Variants in LYRM4 observed in about 807,000 individuals in gnomAD.
LYRM4 encodes LYR motif containing 4, also known as LYR motif-containing protein 4.
In LYRM4, 9 loss-of-function variants were observed where a neutral mutation model predicts 11.7. That is an observed-to-expected ratio of 0.77 (90% confidence interval 0.46 to 1.34). The LOEUF (loss-of-function observed/expected upper bound fraction) is 1.34. Ranked by LOEUF, LYRM4 falls within the 40% of genes most tolerant of loss-of-function variation. The pLI, the probability that LYRM4 is intolerant of heterozygous loss-of-function variation, is 0.00. For missense variants in LYRM4, 133 were observed against 112.5 expected (o/e 1.18, Z -0.82); for synonymous variants, 42 against 40.4 (o/e 1.04, Z -0.15).
intron 1 of LYRM4, among the ~76,000 whole-genome samples, chr6:5,241,294 C>T (rs13203250): frequency 0.044 from 6,728 of 152,226 alleles, 491 homozygotes; most frequent in African/African-American, 0.15. Context: ...CTATAACATA[C>T]AGTGCGTGAC....
chr6:5,205,889 C>T (rs1561869888), intron 2 of LYRM4, among the ~76,000 whole-genome samples: 2 of 152,166 alleles, frequency 1.3e-5, no homozygotes, highest in African/African-American at 2.4e-5. Flanking sequence ...CCCCAGAAAT[C>T]ACCATGATCC....
the LYRM4 span, among the ~76,000 whole-genome samples, chr6:5,071,972 C>A: frequency 6.6e-6 from 1 of 152,106 alleles, no homozygotes; most frequent in Admixed American, 6.5e-5. Flanking sequence ...GATCCTCTCC[C>A]TCTTCCCACC....
chr6:5,054,060 G>A, the LYRM4 span: 3 of 935,202 alleles, frequency 3.2e-6, no homozygotes, highest in Non-Finnish European at 3.8e-6. Flanking sequence ...ATGTTTTCTA[G>A]CTTAATTAGC....
At chr6:5,071,542 ATGTG>A in the LYRM4 span, among the ~76,000 whole-genome samples, 7 of 150,196 alleles carry the variant, frequency 4.7e-5, no homozygotes, top group Non-Finnish European at 7.4e-5. Flanking sequence ...TTATATATAT[ATGTG>A]TGTGTGTGTG....
chr6:5,145,963 C>T (rs1581374154), intron 2 of LYRM4, among the ~76,000 whole-genome samples: 3 of 152,188 alleles, frequency 2.0e-5, no homozygotes, highest in South Asian at 4.1e-4. Flanking sequence ...TAGGTTTCTG[C>T]CTGGACACTA....
At chr6:5,186,107 G>T (rs1020910541) in intron 2 of LYRM4, among the ~76,000 whole-genome samples, 1 of 152,142 alleles carries the variant, frequency 6.6e-6, no homozygotes, top group African/African-American at 2.4e-5. Context: ...GATGCCAGGG[G>T]GTTGAGGTGT....
chr6:5,216,500 A>C (rs77157197), intron 2 of LYRM4, 118 bp downstream of exon 2: 1 of 1,153,052 alleles, frequency 8.7e-7, no homozygotes, highest in East Asian at 2.3e-5. Context: ...CAAGGAACAG[A>C]GTTTCATGAT....
At chr6:5,098,981 A>C (rs1581265447), downstream of LYRM4, among the ~76,000 whole-genome samples, 2 of 151,520 alleles carry the variant, frequency 1.3e-5, no homozygotes, top group African/African-American at 4.9e-5. Context: ...CTCCACCAAC[A>C]CCCCCAGTGC....
the LYRM4 span, among the ~76,000 whole-genome samples, chr6:5,055,549 G>A: frequency 1.1e-4 from 16 of 152,082 alleles, no homozygotes; most frequent in Non-Finnish European, 2.1e-4. The surrounding 1 kb of genome is among the most constrained non-coding windows in gnomAD (Gnocchi z 4.5). Context: ...CTCAAGATTA[G>A]GCTCAAATGC....
At chr6:5,230,309 C>A (rs1763161078) in intron 1 of LYRM4, among the ~76,000 whole-genome samples, 1 of 152,216 alleles carries the variant, frequency 6.6e-6, no homozygotes, top group Non-Finnish European at 1.5e-5. Flanking sequence ...GCACTTTCCT[C>A]ACATCTACAT....
intron 2 of LYRM4, among the ~76,000 whole-genome samples, chr6:5,121,896 T>C (rs1763473303): frequency 6.6e-6 from 1 of 152,238 alleles, no homozygotes; most frequent in Non-Finnish European, 1.5e-5. Flanking sequence ...CTTCCTGGGA[T>C]GTGTGCTGGG....
chr6:5,259,826 T>TA (rs950041770), intron 1 of LYRM4, among the ~76,000 whole-genome samples: 10 of 149,792 alleles, frequency 6.7e-5, no homozygotes, highest in East Asian at 2.0e-4. Flanking sequence ...AAAACAAATC[T>TA]AAAAAAAAAT....
chr6:5,242,074 CT>C (rs879606834), intron 1 of LYRM4, among the ~76,000 whole-genome samples: 295 of 141,598 alleles, frequency 2.1e-3, no homozygotes, highest in South Asian at 2.3e-3. Flanking sequence ...CTTGCTTACA[CT>C]TTTTTTTTTT....
chr6:5,069,808 T>A, the LYRM4 span, among the ~76,000 whole-genome samples: 51,729 of 152,078 alleles, frequency 0.34, 9,871 homozygotes, highest in African/African-American at 0.51. Flanking sequence ...ATTTATTTGT[T>A]TATTGTTTGT....
chr6:5,257,320 C>T (rs572423203), intron 1 of LYRM4, among the ~76,000 whole-genome samples: 4 of 152,288 alleles, frequency 2.6e-5, no homozygotes, highest in African/African-American at 9.6e-5. Flanking sequence ...CCACACCAAG[C>T]TGCTTCATGC....
intron 2 of LYRM4, among the ~76,000 whole-genome samples, chr6:5,181,755 C>A (rs1760089789): frequency 6.6e-6 from 1 of 152,168 alleles, no homozygotes. Flanking sequence ...CTCTTCTCAG[C>A]CTCTTCTCTT....
intron 2 of LYRM4, among the ~76,000 whole-genome samples, chr6:5,214,212 GGAGA>G (rs1391250908): frequency 6.6e-6 from 1 of 152,146 alleles, no homozygotes; most frequent in African/African-American, 2.4e-5. Context: ...GCAGGGCAGC[GGAGA>G]GAGAGAGAAT....
chr6:5,183,564 A>C (rs1760204899), intron 2 of LYRM4, among the ~76,000 whole-genome samples: 1 of 152,218 alleles, frequency 6.6e-6, no homozygotes, highest in Non-Finnish European at 1.5e-5. Context: ...CTTACTACTG[A>C]GTAATTCTGC....
chr6:5,138,559 A>C, intron 2 of LYRM4: 1 of 304,094 alleles, frequency 3.3e-6, no homozygotes, highest in Non-Finnish European at 5.3e-6. Flanking sequence ...ATCAGTAGCC[A>C]GTAAGAATAA....
Sources: allele counts gnomAD v4.1 joint callset (sites outside exome capture counted in the v4.1 genomes callset), GRCh38; gene constraint gnomAD v4.1.1; non-coding constraint Gnocchi (gnomAD v3.1); transcripts MANE v1.5; gene names NCBI Gene and HGNC (gene_info 2026-07-23, HGNC 2026-07-21).